Variants in PTPRN2 observed in about 807,000 individuals in gnomAD.
PTPRN2 encodes the protein receptor-type tyrosine-protein phosphatase N2.
PTPRN2 carries 74 observed loss-of-function variants against 118.8 expected under a neutral mutation model. The observed-to-expected ratio is 0.62, with a 90% confidence interval of 0.52 to 0.76. The LOEUF (loss-of-function observed/expected upper bound fraction) is 0.76. Ranked by LOEUF, PTPRN2 falls within the 30% of genes least tolerant of loss-of-function variation. The probability of loss-of-function intolerance (pLI) is 0.00; values close to 1 mark genes in which losing one functional copy is unlikely to be tolerated. For missense variants in PTPRN2, 1,481 were observed against 1,394.4 expected (o/e 1.06, Z -0.99); for synonymous variants, 641 against 608.0 (o/e 1.05, Z -0.80).
chr7:157,717,981 G>A (rs188546472), intron 12 of PTPRN2, among the ~76,000 whole-genome samples: 21 of 152,384 alleles, frequency 1.4e-4, no homozygotes, highest in South Asian at 1.0e-3. Context: ...GTGGGCAGGC[G>A]GCCAGGGCCC....
In PTPRN2 at chr7:157,994,790, T is replaced by TA. The variant is rs375167633; in HGVS notation, c.1723+86507dup. On this transcript the variant is annotated intron_variant, in intron 11 of 22. Transcript: ENST00000389418. ...TCCCCAGCTTACAACTCCTTGTTCC[T>TA]AAATCAACGCCGTGTCCCCAGCTTA... 2.5e-4 allele frequency among the ~76,000 whole-genome samples: 3 copies of TA among 12,042 alleles called. 1 individual carries two copies. Among genetic ancestry groups the TA allele is most frequent in the Admixed American group, 1.6e-3 (2 of 1,286 alleles). The allele number at this position is 12,042 out of a possible 152,430, so 7.9% of individuals were successfully genotyped here.
rs1245002248 is a variant in PTPRN2 at position 158,509,544 on chromosome 7, A to G, written c.113-19759T>C. 6.6e-6 allele frequency among the ~76,000 whole-genome samples: 1 copy of G among 152,226 alleles called. No individual in the cohort carries two copies. The highest frequency in any genetic ancestry group is 1.5e-5 in the Non-Finnish European group (1 of 68,036). ...AACCCAAGTTAAAGATCAAGGTGAC[A>G]CAGAACCAGAGCTTAGCAGCCAAAA... On this transcript the variant is annotated intron_variant, in intron 1 of 22. Transcript: ENST00000389418. This position sits in a 1 kb window ranked among gnomAD's most constrained non-coding sequence, Gnocchi z 4.4.
rs552091291 is a variant in PTPRN2, at chr7:157,656,252, C to T, written c.2196+105G>A. On this transcript the variant is annotated intron_variant, in intron 14 of 22. Coordinates refer to ENST00000389418, the MANE Select transcript of PTPRN2 (RefSeq NM_002847.5). ...GCAGCGGGCAGGGTGCAGCCATCAT[C>T]GCCCAGTCCCCGAGGGTCAGCGGGC... 1.2e-5 allele frequency: 14 copies of T among 1,208,394 alleles called. No homozygotes were observed. In the East Asian group the frequency reaches 1.3e-4, roughly 11 times the overall value. 74.9% of individuals were successfully genotyped at this position (1,208,394 alleles called of 1,614,324 possible). A position where few individuals can be genotyped will look rare whatever the true frequency, so the allele number is the denominator to read the frequency against.
rs150709931 is a variant in PTPRN2 at position 158,364,710 on chromosome 7, C to T, written c.164-47778G>A. On this transcript the variant is annotated intron_variant, in intron 2 of 22. Transcript: ENST00000389418. ...ATCACACAGCTGGGAAGTCGTCATCCAAGCCTCGGATGTGTTTGTGGGGCA... is the reference window on the plus strand; with the variant it reads ...ATCACACAGCTGGGAAGTCGTCATCTAAGCCTCGGATGTGTTTGTGGGGCA... Among the ~76,000 whole-genome samples, 588 of 152,280 alleles carry T rather than the reference C, an allele frequency of 3.9e-3. 4 individuals are homozygous for T. The highest frequency in any genetic ancestry group is 0.02 in the Middle Eastern group (6 of 294).
At chr7:157,904,090 C>T (rs1259753520) in intron 11 of PTPRN2, among the ~76,000 whole-genome samples, 2 of 152,158 alleles carry the variant, frequency 1.3e-5, no homozygotes, top group Non-Finnish European at 1.5e-5. Context: ...ATTAACTCGC[C>T]GATCAGTGCT....
intron 2 of PTPRN2, among the ~76,000 whole-genome samples, chr7:158,365,118 C>A (rs555073164): frequency 6.6e-6 from 1 of 152,318 alleles, no homozygotes; most frequent in African/African-American, 2.4e-5. Context: ...TCTTCAGACA[C>A]AATCTGAAAA....
chr7:158,506,286 G>A (rs1311396905), intron 1 of PTPRN2, among the ~76,000 whole-genome samples: 2 of 152,190 alleles, frequency 1.3e-5, no homozygotes, highest in Non-Finnish European at 2.9e-5. Context: ...AGACTCAGGT[G>A]GGGCTGCCAC....
At position 157,587,936 on chromosome 7, in the gene PTPRN2, C is replaced by T. The variant is rs1019248569; in HGVS notation, c.2496+7302G>A. 4.6e-5 allele frequency among the ~76,000 whole-genome samples: 7 copies of T among 150,800 alleles called. No homozygotes were observed. Among genetic ancestry groups the T allele is most frequent in the African/African-American group, 1.5e-4 (6 of 40,896 alleles). On this transcript the variant is annotated intron_variant, in intron 17 of 22. Transcript: ENST00000389418. This position sits in a 1 kb window ranked among gnomAD's most constrained non-coding sequence, Gnocchi z 5.3. ...CCTGGGCTCCCGCGGTGGCTGTCCC[C>T]GTGCCTGGGCTCCCGCGGTGGCTGT...
chr7:157,935,193 G>A (rs1799622310), intron 11 of PTPRN2, among the ~76,000 whole-genome samples: 1 of 152,196 alleles, frequency 6.6e-6, no homozygotes, highest in Non-Finnish European at 1.5e-5. Context: ...GGTGGAGGGT[G>A]GGTAGGGTTG....
intron 12 of PTPRN2, among the ~76,000 whole-genome samples, chr7:157,701,890 G>C (rs1232994899): frequency 2.7e-5 from 4 of 145,832 alleles, no homozygotes; most frequent in African/African-American, 1.0e-4. Flanking sequence ...GTTTGTAAGA[G>C]AGCCGGGTAG....
chr7:157,841,902 A>C (rs367879635), intron 12 of PTPRN2, among the ~76,000 whole-genome samples: 1 of 151,888 alleles, frequency 6.6e-6, no homozygotes, highest in Non-Finnish European at 1.5e-5. Context: ...AGCATACAGT[A>C]CCCGGGGACT....
intron 6 of PTPRN2, among the ~76,000 whole-genome samples, chr7:158,164,144 T>C (rs1822655094): frequency 6.6e-6 from 1 of 151,762 alleles, no homozygotes; most frequent in South Asian, 2.1e-4. Flanking sequence ...CACCCTGGGG[T>C]GTGGGAGGAA....
chr7:158,575,171 A>G (rs1002436835), intron 1 of PTPRN2, among the ~76,000 whole-genome samples: 3 of 152,346 alleles, frequency 2.0e-5, no homozygotes, highest in South Asian at 2.1e-4. Flanking sequence ...TATTTTATCT[A>G]CAATCTTTGT....
intron 8 of PTPRN2, 138 bp from the exon 9 acceptor site, chr7:158,134,197 A>AG: frequency 1.1e-6 from 1 of 934,376 alleles, no homozygotes; most frequent in Admixed American, 2.8e-5. Context: ...AGGAAGGCGA[A>AG]GTGTGTGCAG....
intron 12 of PTPRN2, among the ~76,000 whole-genome samples, chr7:157,748,661 G>C (rs2150981216): frequency 1.3e-5 from 2 of 148,434 alleles, no homozygotes; most frequent in South Asian, 2.2e-4. Context: ...GCTGTGGGCT[G>C]TTCAGGTGAT....
intron 6 of PTPRN2, among the ~76,000 whole-genome samples, chr7:158,142,641 C>T (rs1326786085): frequency 1.3e-5 from 2 of 152,184 alleles, no homozygotes; most frequent in African/African-American, 4.8e-5. Flanking sequence ...GGCCCACCAA[C>T]CCCCACACAT....
Position 157,560,442 on chromosome 7 carries a change from C to A in PTPRN2, c.2902+8460G>T, listed in dbSNP as rs940201374. ...GATCGACACCAGGGTCCGCCTGTGC[C>A]CTGCCTGGGTGGGGTCAGCCACGCC... On this transcript the variant is annotated intron_variant, in intron 21 of 22. Transcript: ENST00000389418. This position sits in a 1 kb window ranked among gnomAD's most constrained non-coding sequence, Gnocchi z 6.7. Among the ~76,000 whole-genome samples, 1 of 152,176 alleles carries A rather than the reference C, an allele frequency of 6.6e-6. No homozygotes were observed. Among genetic ancestry groups the A allele is most frequent in the Non-Finnish European group, 1.5e-5 (1 of 68,020 alleles).
chr7:157,576,540 G>T (rs1052110894), intron 19 of PTPRN2, 73 bp downstream of exon 19: 2 of 1,395,298 alleles, frequency 1.4e-6, no homozygotes, highest in Non-Finnish European at 9.6e-7. Flanking sequence ...GGCGTCTCAG[G>T]AGCACCGAAG....
rs117011812 is a variant in PTPRN2 at position 158,281,160 on chromosome 7, G to A, written c.277+35659C>T. On this transcript the variant is annotated intron_variant, in intron 3 of 22. Coordinates refer to ENST00000389418, the MANE Select transcript of PTPRN2 (RefSeq NM_002847.5). Reference sequence around the variant, plus strand: ...TCTACTAAAAATACAAAAGTTAGCCGCGCTTATAATCCCAGCTGCTTGGGA... The same window carrying A: ...TCTACTAAAAATACAAAAGTTAGCCACGCTTATAATCCCAGCTGCTTGGGA... Among the ~76,000 whole-genome samples the A allele has an allele frequency of 2.6e-4, 40 of 152,224 alleles. No individual in the cohort carries two copies. In the East Asian group the frequency reaches 3.3e-3, roughly 13 times the overall value.
Sources: allele counts gnomAD v4.1 joint callset (sites outside exome capture counted in the v4.1 genomes callset), GRCh38; gene constraint gnomAD v4.1.1; non-coding constraint Gnocchi (gnomAD v3.1); transcripts MANE v1.5; gene names NCBI Gene and HGNC (gene_info 2026-07-23, HGNC 2026-07-21).